Variants in RBFOX1 observed in about 807,000 individuals in gnomAD.
The protein encoded by RBFOX1 is RNA binding protein fox-1 homolog 1.
In RBFOX1, 8 loss-of-function variants were observed where a neutral mutation model predicts 57.7. That is an observed-to-expected ratio of 0.14 (90% CI 0.08 to 0.25). The LOEUF is 0.25. Among genes scored for constraint, RBFOX1 ranks in the 10% least tolerant of loss-of-function variants. The pLI is 1.00. For synonymous variants in RBFOX1, 326 were observed against 222.4 expected (o/e 1.47, Z -4.15); for missense variants, 611 against 548.5 (o/e 1.11, Z -1.14).
At chr16:7,334,961 G>A (rs1279666713) in intron 4 of RBFOX1, among the ~76,000 whole-genome samples, 1 of 152,218 alleles carries the variant, frequency 6.6e-6, no homozygotes, top group Non-Finnish European at 1.5e-5. Flanking sequence ...ACCAGCTGCT[G>A]TGATATGTGT....
At chr16:7,405,727 A>G (rs920995100) in intron 4 of RBFOX1, among the ~76,000 whole-genome samples, 1 of 152,182 alleles carries the variant, frequency 6.6e-6, no homozygotes, top group Admixed American at 6.5e-5. Context: ...CAGAAAGTGG[A>G]CAGTAAGCTT....
chr16:7,020,013 C>T (rs1363947767), intron 3 of RBFOX1, among the ~76,000 whole-genome samples: 2 of 150,546 alleles, frequency 1.3e-5, no homozygotes, highest in African/African-American at 4.9e-5. Context: ...AGTGCTGCTA[C>T]CCTCAGGAAG....
intron 1 of RBFOX1, among the ~76,000 whole-genome samples, chr16:6,095,219 G>C (rs915896943): frequency 2.6e-5 from 4 of 152,182 alleles, no homozygotes; most frequent in African/African-American, 7.2e-5. Context: ...GGTGGATTTG[G>C]AATTCCTTTC....
At chr16:6,935,924 G>T (rs2077289396) in intron 3 of RBFOX1, among the ~76,000 whole-genome samples, 1 of 152,156 alleles carries the variant, frequency 6.6e-6, no homozygotes, top group South Asian at 2.1e-4. Flanking sequence ...TGTGTGACTG[G>T]GGACCAATCT....
At chr16:6,974,598 G>A (rs1204452872) in intron 3 of RBFOX1, among the ~76,000 whole-genome samples, 5 of 151,900 alleles carry the variant, frequency 3.3e-5, no homozygotes, top group Non-Finnish European at 5.9e-5. Context: ...GCCCACCTCG[G>A]CCTCCCAAAG....
intron 4 of RBFOX1, among the ~76,000 whole-genome samples, chr16:7,341,055 T>C (rs972305180): frequency 1.1e-4 from 16 of 152,108 alleles, no homozygotes; most frequent in African/African-American, 3.9e-4. Context: ...TCCCTGTCTT[T>C]TAAAGGTTGT....
intron 1 of RBFOX1, among the ~76,000 whole-genome samples, chr16:6,200,121 G>A (rs961663542): frequency 8.1e-4 from 124 of 152,276 alleles, no homozygotes; most frequent in African/African-American, 2.7e-3. Context: ...GAGCCAAATT[G>A]TTTCTGTTAT....
chr16:7,040,278 C>T (rs1385767243), intron 3 of RBFOX1, among the ~76,000 whole-genome samples: 3 of 152,052 alleles, frequency 2.0e-5, no homozygotes, highest in Non-Finnish European at 4.4e-5. Context: ...CTCAGCCTCC[C>T]AAAGTGCTGG....
Position 5,666,220 on chromosome 16 carries a change from C to T in RBFOX1, c.318+67259C>T, listed in dbSNP as rs114746741. On this transcript the variant is annotated intron_variant, in intron 3 of 19. Coordinates refer to the RBFOX1 transcript ENST00000641259. ...AGGGAGGGCAGTTCTTCGCAGAGCG[C>T]GGGGCATCTGGTCCAGTTCCCAGTG... 5.5e-3 allele frequency among the ~76,000 whole-genome samples: 830 copies of T among 152,284 alleles called. 6 individuals carry two copies. Among genetic ancestry groups the T allele is most frequent in the African/African-American group, 0.019 (783 of 41,570 alleles).
chr16:7,293,293 T>C (rs1354819211), intron 4 of RBFOX1, among the ~76,000 whole-genome samples: 1 of 152,190 alleles, frequency 6.6e-6, no homozygotes, highest in African/African-American at 2.4e-5. Context: ...TAGAAGATGA[T>C]TTAAAGTATA....
intron 5 of RBFOX1, among the ~76,000 whole-genome samples, chr16:7,565,794 A>T (rs529179312): frequency 1.3e-5 from 2 of 152,272 alleles, no homozygotes. Flanking sequence ...ATCACTGTGA[A>T]GAGTTTTGTG....
At chr16:6,001,400 T>C (rs371637335) in intron 4 of RBFOX1, among the ~76,000 whole-genome samples, 5 of 152,364 alleles carry the variant, frequency 3.3e-5, no homozygotes, top group African/African-American at 7.2e-5. Context: ...AGCTCTGCAA[T>C]GTAATATTTT....
chr16:5,616,775 A>C (rs1351322851), intron 3 of RBFOX1, among the ~76,000 whole-genome samples: 68 of 87,718 alleles, frequency 7.8e-4, no homozygotes, highest in South Asian at 1.4e-3. Flanking sequence ...CTTCTCCCCT[A>C]TTTTCCTCCT....
intron 3 of RBFOX1, among the ~76,000 whole-genome samples, chr16:6,764,095 T>G (rs1319041518): frequency 1.3e-5 from 2 of 152,214 alleles, no homozygotes; most frequent in Non-Finnish European, 2.9e-5. Context: ...CTTAAAGGTA[T>G]GTGCATTTTC....
chr16:7,124,941 G>T (rs1295456598), intron 4 of RBFOX1, among the ~76,000 whole-genome samples: 1 of 152,084 alleles, frequency 6.6e-6, no homozygotes, highest in Admixed American at 6.5e-5. Flanking sequence ...GGAAGAAGTG[G>T]TGCCATTAGC....
intron 2 of RBFOX1, among the ~76,000 whole-genome samples, chr16:5,545,003 G>C (rs1286467511): frequency 8.3e-6 from 1 of 121,018 alleles, no homozygotes; most frequent in Non-Finnish European, 1.7e-5. Context: ...TTGATACGGA[G>C]TCTCGCTCTG....
intron 3 of RBFOX1, among the ~76,000 whole-genome samples, chr16:5,808,786 C>G (rs887949952): frequency 1.3e-5 from 2 of 152,152 alleles, no homozygotes; most frequent in African/African-American, 4.8e-5. Flanking sequence ...TGAGACTTTG[C>G]TGAAGTTGAT....
chr16:6,427,372 C>A (rs1597094541), intron 2 of RBFOX1, among the ~76,000 whole-genome samples: 1 of 152,154 alleles, frequency 6.6e-6, no homozygotes, highest in African/African-American at 2.4e-5. Flanking sequence ...GAAACGGTTC[C>A]CACATTGTTG....
chr16:5,309,799 A>G (rs2064035099), intron 1 of RBFOX1, among the ~76,000 whole-genome samples: 1 of 152,244 alleles, frequency 6.6e-6, no homozygotes, highest in Non-Finnish European at 1.5e-5. Context: ...AAGTGTATAG[A>G]GATTCACAGA....
Sources: allele counts gnomAD v4.1 joint callset (sites outside exome capture counted in the v4.1 genomes callset), GRCh38; gene constraint gnomAD v4.1.1; transcripts MANE v1.5; gene names NCBI Gene and HGNC (gene_info 2026-07-23, HGNC 2026-07-21).